TOX: variants seen among roughly 807,000 people sequenced by gnomAD.
TOX encodes thymocyte selection associated high mobility group box, also known as thymocyte selection-associated high mobility group box protein TOX.
A neutral mutation model predicts 53.7 loss-of-function variants in TOX; 11 were observed. The ratio of observed to expected loss-of-function variants is 0.20; its 90% CI spans 0.13 to 0.34. The LOEUF is 0.34. TOX is among the 10% of genes least tolerant of loss of function. TOX has a pLI of 1.00. For synonymous variants in TOX, 225 were observed against 245.3 expected (o/e 0.92, Z 0.77); for missense variants, 570 against 664.6 (o/e 0.86, Z 1.56).
intron 1 of TOX, among the ~76,000 whole-genome samples, chr8:59,054,679 G>T (rs769133136): frequency 6.6e-6 from 1 of 151,778 alleles, no homozygotes; most frequent in Non-Finnish European, 1.5e-5. Flanking sequence ...AAGTTTCCTC[G>T]CCACAAACCA....
At chr8:58,978,713 C>T (rs555073998) in intron 1 of TOX, among the ~76,000 whole-genome samples, 34 of 152,306 alleles carry the variant, frequency 2.2e-4, no homozygotes, top group African/African-American at 7.2e-4. Context: ...TTTGTTACAA[C>T]TGATGAAGCT....
chr8:58,815,410 G>A lies in TOX; in HGVS notation c.1320C>T (p.Thr440=), dbSNP rs1810157157. ...GCTGGTTCCCAAGGGGCTGCTGCATGGTGAGCGGCTGGTGCTGCTGCATGT... is the reference window on the plus strand; with the variant it reads ...GCTGGTTCCCAAGGGGCTGCTGCATAGTGAGCGGCTGGTGCTGCTGCATGT... The part of the protein sequence containing the change: ...HLNMQQHQPL[T]MQQPLGNQLP... Residue 440 remains threonine (T), a synonymous_variant, in exon 7 of 9, where the codon ACC becomes ACT. Transcript: ENST00000361421. 6.2e-7 allele frequency: 1 copy of A among 1,613,980 alleles called. No homozygotes were observed. The highest frequency in any genetic ancestry group is 8.5e-7 in the Non-Finnish European group (1 of 1,179,956).
At chr8:59,108,501 G>C (rs1246844267) in intron 1 of TOX, among the ~76,000 whole-genome samples, 3 of 152,106 alleles carry the variant, frequency 2.0e-5, no homozygotes, top group Non-Finnish European at 4.4e-5. Flanking sequence ...TATATTTAAA[G>C]CATGACAAAT....
chr8:58,833,572 T>C (rs1236773065), intron 5 of TOX, among the ~76,000 whole-genome samples: 1 of 152,200 alleles, frequency 6.6e-6, no homozygotes, highest in Admixed American at 6.5e-5. Flanking sequence ...AAGGGTGTGA[T>C]ATTGTTAACT....
At chr8:59,024,717 A>G (rs1211284454) in intron 1 of TOX, among the ~76,000 whole-genome samples, 3 of 152,146 alleles carry the variant, frequency 2.0e-5, no homozygotes, top group Non-Finnish European at 4.4e-5. Flanking sequence ...CTACTTTTTA[A>G]AAACTAACTT....
chr8:58,878,355 A>C (rs1194302088), intron 3 of TOX, among the ~76,000 whole-genome samples: 1 of 152,180 alleles, frequency 6.6e-6, no homozygotes, highest in Non-Finnish European at 1.5e-5. Context: ...TTAAAATTCC[A>C]AACAAAATTT....
intron 3 of TOX, among the ~76,000 whole-genome samples, chr8:58,910,325 T>C (rs1190145173): frequency 6.6e-6 from 1 of 152,204 alleles, no homozygotes; most frequent in Non-Finnish European, 1.5e-5. Context: ...CAATGAATCT[T>C]GAAAGTTCAA....
chr8:58,876,449 CT>C (rs1354035657), intron 3 of TOX, among the ~76,000 whole-genome samples: 1 of 147,468 alleles, frequency 6.8e-6, no homozygotes, highest in African/African-American at 2.6e-5. Context: ...CAACATATCC[CT>C]CTTTTAAAAT....
At chr8:59,029,011 T>G (rs768085947) in intron 1 of TOX, among the ~76,000 whole-genome samples, 1 of 152,180 alleles carries the variant, frequency 6.6e-6, no homozygotes, top group Admixed American at 6.5e-5. Context: ...TTCATCAGCA[T>G]ACAAATAGAT....
intron 7 of TOX, among the ~76,000 whole-genome samples, chr8:58,815,063 T>C (rs553871433): frequency 7.9e-5 from 12 of 151,894 alleles, no homozygotes; most frequent in South Asian, 6.3e-4. Context: ...ATTAGAAACA[T>C]GAAGCAAAAT....
intron 6 of TOX, among the ~76,000 whole-genome samples, chr8:58,818,866 G>A (rs1438122153): frequency 6.6e-6 from 1 of 152,154 alleles, no homozygotes; most frequent in East Asian, 1.9e-4. Context: ...ATGCCTCACT[G>A]GTCTTGGGGG....
intron 1 of TOX, among the ~76,000 whole-genome samples, chr8:59,052,933 T>C (rs773735910): frequency 3.9e-5 from 6 of 152,142 alleles, no homozygotes; most frequent in Non-Finnish European, 5.9e-5. Flanking sequence ...GAAAAATGAA[T>C]TGTAAAATAA....
At position 58,808,289 on chromosome 8, in the gene TOX, C is replaced by T. The variant is rs1563358359; in HGVS notation, c.1393-20G>A. On this transcript the variant is annotated intron_variant, in intron 7 of 8. Coordinates refer to ENST00000361421, the MANE Select transcript of TOX (RefSeq NM_014729.3). The stretch of plus-strand genomic sequence containing the variant: ...AAATCCCTGAAAGGGAAAGCAAGTC[C>T]GCAAATAAGGATCAAAATGCATTTT... 1 of 1,587,194 alleles carries T rather than the reference C, an allele frequency of 6.3e-7. No homozygotes were observed. The highest frequency in any genetic ancestry group is 8.6e-7 in the Non-Finnish European group (1 of 1,169,296).
intron 1 of TOX, among the ~76,000 whole-genome samples, chr8:59,047,169 G>A (rs964254361): frequency 1.5e-4 from 22 of 143,290 alleles, no homozygotes; most frequent in Admixed American, 1.4e-3. Context: ...ACATGCAACA[G>A]GTTAGTTTTT....
At chr8:58,860,068 C>T (rs111524666) in intron 3 of TOX, among the ~76,000 whole-genome samples, 4 of 152,242 alleles carry the variant, frequency 2.6e-5, no homozygotes, top group African/African-American at 9.6e-5. Flanking sequence ...GGATTTATAT[C>T]TATAAACAAC....
At chr8:58,910,933 C>T (rs1316992988) in intron 3 of TOX, among the ~76,000 whole-genome samples, 1 of 152,088 alleles carries the variant, frequency 6.6e-6, no homozygotes, top group Non-Finnish European at 1.5e-5. Context: ...AGAACATGCA[C>T]CTCGGATAAC....
chr8:59,108,146 T>C lies in TOX; in HGVS notation c.102+10740A>G, dbSNP rs368018223. The stretch of plus-strand genomic sequence containing the variant: ...GACTTGCTTCACCACTGACGAATAA[T>C]GTGTACACTTTTACAGAGCTTAAAC... On this transcript the variant is annotated intron_variant, in intron 1 of 8. Coordinates refer to ENST00000361421, the MANE Select transcript of TOX (RefSeq NM_014729.3). Among the ~76,000 whole-genome samples, 13 of 152,324 alleles carry C rather than the reference T, an allele frequency of 8.5e-5. No individual in the cohort carries two copies. In the South Asian group the frequency reaches 1.4e-3, roughly 17 times the overall value.
At chr8:58,993,260 T>A (rs1161542330) in intron 1 of TOX, among the ~76,000 whole-genome samples, 2 of 152,224 alleles carry the variant, frequency 1.3e-5, no homozygotes, top group Non-Finnish European at 2.9e-5. Flanking sequence ...GCAAATATAC[T>A]GTTTTAATTA....
At chr8:58,841,437 A>G (rs1203138962) in intron 4 of TOX, among the ~76,000 whole-genome samples, 1 of 152,216 alleles carries the variant, frequency 6.6e-6, no homozygotes, top group Non-Finnish European at 1.5e-5. Context: ...TATTTTGTAA[A>G]CATGGCCACT....
Sources: gnomAD v4.1 joint callset for allele counts (sites outside exome capture counted in the v4.1 genomes callset) on GRCh38, gnomAD v4.1.1 for gene constraint, MANE v1.5 for transcripts, NCBI Gene and HGNC (gene_info 2026-07-23, HGNC 2026-07-21) for gene names.